C6orf118: variants seen among roughly 807,000 people sequenced by gnomAD.
The protein encoded by C6orf118 is uncharacterized protein C6orf118.
Under a neutral mutation model 50.2 loss-of-function variants are expected in C6orf118, and 50 were observed. The observed-to-expected ratio is 1.00, with a 90% CI of 0.79 to 1.26. The LOEUF (loss-of-function observed/expected upper bound fraction) is 1.26, where lower values mean the gene tolerates loss of function less well. C6orf118 is among the 50% of genes most tolerant of loss of function. The pLI, the probability that C6orf118 is intolerant of heterozygous loss-of-function variation, is 0.00. For synonymous variants in C6orf118, 239 were observed against 230.9 expected, an observed-to-expected ratio of 1.03 and a Z score of -0.32; for missense variants, 641 against 578.7, an observed-to-expected ratio of 1.11 and a Z score of -1.10.
In C6orf118 at chr6:165,302,226, C is replaced by T. The variant is rs770663869; in HGVS notation, c.96G>A (p.Thr32=). The change falls in exon 2 of 9, where the codon ACG becomes ACA. Residue 32 remains threonine, a synonymous_variant. Transcript: ENST00000230301. ...KTLCNLKHCE[T]PGVKTLCNLK... ...GATTACACAGGGTCTTCACTCCTGG[C>T]GTCTCGCAGTGCTTCAGATTACACA... 2 of 1,613,838 alleles carry T rather than the reference C, an allele frequency of 1.2e-6. No individual in the cohort carries two copies. Among genetic ancestry groups the T allele is most frequent in the South Asian group, 1.1e-5 (1 of 91,010 alleles).
intron 6 of C6orf118, among the ~76,000 whole-genome samples, chr6:165,292,469 A>AT (rs1271183206): frequency 3.9e-5 from 6 of 152,140 alleles, no homozygotes; most frequent in East Asian, 3.9e-4. Flanking sequence ...AATCTTTGCC[A>AT]TTTTTTTATT....
chr6:165,293,344 C>G (rs781077314), intron 6 of C6orf118, 69 bp downstream of exon 6: 1 of 1,401,192 alleles, frequency 7.1e-7, no homozygotes, highest in Non-Finnish European at 1.0e-6. Flanking sequence ...GGCAGCCACA[C>G]TGCAGCAGCT....
At chr6:165,309,418 C>T (rs1411970221) in intron 1 of C6orf118, 144 bp downstream of exon 1, 31 of 950,408 alleles carry the variant, frequency 3.3e-5, no homozygotes, top group Non-Finnish European at 4.9e-5. Context: ...CAATCCAGTC[C>T]TCAGCCCTAG....
At chr6:165,301,432 A>C in intron 2 of C6orf118, 137 bp downstream of exon 2, 1 of 1,244,742 alleles carries the variant, frequency 8.0e-7, no homozygotes. Flanking sequence ...GTCTGCACCG[A>C]GAACACTGCC....
chr6:165,307,354 T>G (rs1276630622), intron 1 of C6orf118, among the ~76,000 whole-genome samples: 1 of 151,084 alleles, frequency 6.6e-6, no homozygotes, highest in East Asian at 2.0e-4. Context: ...CAATCAGGAG[T>G]TCGAGACCAG....
chr6:165,283,553 T>C (rs776407309), intron 7 of C6orf118, among the ~76,000 whole-genome samples: 6 of 152,154 alleles, frequency 3.9e-5, no homozygotes, highest in Non-Finnish European at 7.3e-5. Flanking sequence ...AGACACCTTA[T>C]ACAAAAGCGT....
intron 7 of C6orf118, among the ~76,000 whole-genome samples, chr6:165,289,174 CA>C (rs568080826): frequency 0.066 from 8,688 of 131,294 alleles, 300 homozygotes; most frequent in Non-Finnish European, 0.093. Context: ...GTCCCCCCTC[CA>C]AAAAAAAAAA....
chr6:165,299,633 C>T lies in C6orf118; in HGVS notation c.877-131G>A, dbSNP rs1017343889. 9 of 659,536 alleles carry T rather than the reference C, an allele frequency of 1.4e-5. No individual in the cohort carries two copies. In the African/African-American group the frequency reaches 1.4e-4, roughly 11 times the overall value. The allele number at this position is 659,536 out of a possible 1,614,324, so 40.9% of individuals were successfully genotyped here. A position where few individuals can be genotyped will look rare whatever the true frequency, so the allele number is the denominator to read the frequency against. ...ATTTCAGAAAAATATAAAATGTTCC[C>T]ACAATGCATTAAACGGTATACATGC... On this transcript the variant is annotated intron_variant, in intron 3 of 8. Coordinates refer to ENST00000230301, the MANE Select transcript of C6orf118 (RefSeq NM_144980.4).
intron 1 of C6orf118, among the ~76,000 whole-genome samples, chr6:165,307,929 T>C (rs962997126): frequency 6.6e-6 from 1 of 152,182 alleles, no homozygotes; most frequent in African/African-American, 2.4e-5. Context: ...CCGGAGAATC[T>C]TTTCAGACTC....
intron 7 of C6orf118, among the ~76,000 whole-genome samples, chr6:165,285,824 G>A (rs1379618454): frequency 1.3e-5 from 2 of 151,896 alleles, no homozygotes; most frequent in African/African-American, 4.8e-5. Flanking sequence ...CAGAAAGCTA[G>A]AAAGATCTCA....
At chr6:165,284,898 C>G (rs952937936) in intron 7 of C6orf118, among the ~76,000 whole-genome samples, 3 of 152,140 alleles carry the variant, frequency 2.0e-5, no homozygotes, top group African/African-American at 7.2e-5. Context: ...TATGAAGGAA[C>G]TACATTAGCA....
intron 8 of C6orf118, 29 bp from the exon 9 acceptor site, chr6:165,280,139 A>G: frequency 6.8e-7 from 1 of 1,462,664 alleles, no homozygotes; most frequent in Non-Finnish European, 9.4e-7. Flanking sequence ...TGAATACCAT[A>G]GGTTAGAAAA....
chr6:165,279,983 G>A lies in C6orf118; in HGVS notation c.*74C>T, dbSNP rs1037267417. On this transcript the variant is annotated 3_prime_UTR_variant, in exon 9 of 9. Coordinates refer to ENST00000230301, the MANE Select transcript of C6orf118 (RefSeq NM_144980.4). Reference sequence around the variant, plus strand: ...GAAATGTATCTTTATGAATGTATATGCATCTGCAAATATCCATGCTACATA... The same window carrying A: ...GAAATGTATCTTTATGAATGTATATACATCTGCAAATATCCATGCTACATA... 7.3e-7 allele frequency: 1 copy of A among 1,371,900 alleles called. No homozygotes were observed. Among genetic ancestry groups the A allele is most frequent in the Non-Finnish European group, 1.0e-6 (1 of 990,760 alleles). The allele number at this position is 1,371,900 out of a possible 1,614,324, so 85.0% of individuals were successfully genotyped here.
rs777954568 is a variant in C6orf118 at position 165,302,090 on chromosome 6, G to A, written c.232C>T (p.Gln78Ter). The part of the protein sequence containing the change: ...KLYQPPETIL[Q>*]HWPNAHRPKG... ...GGCCGGTGGGCATTGGGCCAGTGCT[G>A]TAAGATCGTCTCCGGAGGCTGGTAG... Residue 78 changes from glutamine to a stop codon, truncating the protein, a stop_gained, in exon 2 of 9, where the codon CAG (glutamine) becomes TAG (stop). Transcript: ENST00000230301. LOFTEE classifies it high-confidence loss of function. 6.8e-6 allele frequency: 11 copies of A among 1,613,890 alleles called. No individual in the cohort carries two copies. In the South Asian group the frequency reaches 1.1e-4, roughly 16 times the overall value.
At chr6:165,301,516 A>G in intron 2 of C6orf118, 53 bp downstream of exon 2, 1 of 1,553,286 alleles carries the variant, frequency 6.4e-7, no homozygotes. Context: ...CTGCACCGAG[A>G]GCTATGCCCT....
At chr6:165,290,921 G>A (rs1302096081) in intron 6 of C6orf118, among the ~76,000 whole-genome samples, 2 of 152,186 alleles carry the variant, frequency 1.3e-5, no homozygotes, top group Non-Finnish European at 2.9e-5. Flanking sequence ...TCACAATCAT[G>A]GCAGAAGGCA....
At chr6:165,292,914 G>A (rs888335300) in intron 6 of C6orf118, among the ~76,000 whole-genome samples, 3 of 152,164 alleles carry the variant, frequency 2.0e-5, no homozygotes, top group African/African-American at 7.2e-5. Flanking sequence ...GGATAGTCCT[G>A]TGAGCATATC....
chr6:165,302,296 A>G lies in C6orf118; in HGVS notation c.26T>C (p.Leu9Ser). MAEEREPE[L>S]YLKWKHCETP... ...CTCGCAGTGCTTCCACTTCAGGTAC[A>G]CTGGTCAGAAAAGAAAAGGAGGCTC... The change falls in exon 2 of 9, where the codon TTG becomes TCG. Residue 9 changes from leucine to serine, a missense_variant and splice_region_variant. By Grantham distance (145) the Leu-to-Ser change is moderately radical. Transcript: ENST00000230301. The G allele has an allele frequency of 6.2e-7, 1 of 1,609,834 alleles. No homozygotes were observed. Among genetic ancestry groups the G allele is most frequent in the Non-Finnish European group, 8.5e-7 (1 of 1,179,402 alleles).
At chr6:165,292,450 A>G (rs1780137709) in intron 6 of C6orf118, among the ~76,000 whole-genome samples, 1 of 152,212 alleles carries the variant, frequency 6.6e-6, no homozygotes, top group Non-Finnish European at 1.5e-5. Context: ...ACTGCATCTT[A>G]TTTTTATTAA....
Sources: gnomAD v4.1 joint callset for allele counts (sites outside exome capture counted in the v4.1 genomes callset) on GRCh38, gnomAD v4.1.1 for gene constraint, MANE v1.5 for transcripts, NCBI Gene and HGNC (gene_info 2026-07-23, HGNC 2026-07-21) for gene names.